LAMA2: variants seen among roughly 807,000 people sequenced by gnomAD.
LAMA2 encodes the protein laminin subunit alpha-2.
Under a neutral mutation model 364.8 loss-of-function variants are expected in LAMA2, and 269 were observed. The ratio of observed to expected loss-of-function variants is 0.74; its 90% CI spans 0.67 to 0.82. The LOEUF is 0.82. Among genes scored for constraint, LAMA2 ranks in the 40% least tolerant of loss-of-function variants. The pLI is 0.00. For synonymous variants in LAMA2, 1,379 were observed against 1,370.6 expected, an observed-to-expected ratio of 1.01 and a Z score of -0.14; for missense variants, 3,807 against 3,873.2, an observed-to-expected ratio of 0.98 and a Z score of 0.45.
At chr6:129,373,976 A>G (rs1038079977) in intron 34 of LAMA2, among the ~76,000 whole-genome samples, 6 of 152,138 alleles carry the variant, frequency 3.9e-5, no homozygotes, top group African/African-American at 1.4e-4. Context: ...CCCATTCTTC[A>G]GATTCAGTAA....
chr6:128,966,556 T>G (rs898002589), intron 1 of LAMA2, among the ~76,000 whole-genome samples: 3 of 150,798 alleles, frequency 2.0e-5, no homozygotes, highest in Non-Finnish European at 4.5e-5. Flanking sequence ...GGGTAAGGCC[T>G]CAGAGAATGT....
intron 3 of LAMA2, among the ~76,000 whole-genome samples, chr6:129,079,810 T>C (rs1037556474): frequency 2.6e-5 from 4 of 152,156 alleles, no homozygotes; most frequent in African/African-American, 7.2e-5. Flanking sequence ...TGTAAGTACA[T>C]ATACAACACA....
chr6:129,235,711 T>C (rs1180674405), intron 12 of LAMA2, among the ~76,000 whole-genome samples: 1 of 152,176 alleles, frequency 6.6e-6, no homozygotes, highest in Admixed American at 6.6e-5. Flanking sequence ...GGGAACTTAG[T>C]AGAAAAATCA....
chr6:129,489,952 C>T (rs1467421075), intron 56 of LAMA2, among the ~76,000 whole-genome samples: 1 of 149,040 alleles, frequency 6.7e-6, no homozygotes. Flanking sequence ...TAAAGCTGAC[C>T]TATTACAATA....
At chr6:129,427,400 G>T (rs1271309575) in intron 40 of LAMA2, among the ~76,000 whole-genome samples, 1 of 152,076 alleles carries the variant, frequency 6.6e-6, no homozygotes. Flanking sequence ...TTACAACACC[G>T]CCAGTTATCA....
chr6:129,059,364 G>A (rs1788726795), intron 2 of LAMA2, among the ~76,000 whole-genome samples: 1 of 152,134 alleles, frequency 6.6e-6, no homozygotes, highest in Non-Finnish European at 1.5e-5. Context: ...TCAACCACAA[G>A]TCAGGATTTT....
Position 128,922,279 on chromosome 6 carries a change from CCACA to C in LAMA2, c.112+38924_112+38927del, listed in dbSNP as rs1778789367. Among the ~76,000 whole-genome samples, 5 of 150,952 alleles carry C rather than the reference CCACA, an allele frequency of 3.3e-5. 1 individual carries two copies. The South Asian group carries it at 1.1e-3, about 32-fold the overall frequency. On this transcript the variant is annotated intron_variant, in intron 1 of 64. Transcript: ENST00000421865. ...CTAGTTCTAGATCCCTGAGGAATCG[CCACA>C]CTGACTTCCACAATGGTTGAACTAG...
In LAMA2 at chr6:129,403,898, T is replaced by C. The variant is rs1780110206; in HGVS notation, c.5804T>C (p.Ile1935Thr). ...FKAYSNIKDYIDEAEKVAKEA... is the reference protein window; with the variant it reads ...FKAYSNIKDYTDEAEKVAKEA... ...GCTTACAGCAATATTAAGGACTATA[T>C]TGATGAAGCTGAGAAAGTTGCCAAA... The change falls in exon 40 of 65, where the codon ATT becomes ACT. Residue 1935 changes from isoleucine to threonine, a missense_variant. Physicochemically the swap from Ile to Thr is moderately conservative, Grantham distance 89. Around this residue, in one of 3 missense-constraint regions of LAMA2, gnomAD observed 3,333 missense variants for 3,345.7 expected, o/e 1.00. Coordinates refer to ENST00000421865, the MANE Select transcript of LAMA2 (RefSeq NM_000426.4). 2 of 1,613,942 alleles carry C rather than the reference T, an allele frequency of 1.2e-6. No homozygotes were observed. The highest frequency in any genetic ancestry group is 1.7e-6 in the Non-Finnish European group (2 of 1,179,876).
chr6:129,479,374 G>A, intron 54 of LAMA2, among the ~76,000 whole-genome samples: 1 of 152,162 alleles, frequency 6.6e-6, no homozygotes, highest in East Asian at 1.9e-4. Flanking sequence ...TTTGTTAGCT[G>A]ATATCCTCAG....
rs73774629 is a variant in LAMA2, at chr6:129,259,169, G to A, written c.2097-1542G>A. Among the ~76,000 whole-genome samples, 1,081 of 152,168 alleles carry A rather than the reference G, an allele frequency of 7.1e-3. 16 individuals carry two copies. The highest frequency in any genetic ancestry group is 0.025 in the African/African-American group (1,046 of 41,534). On this transcript the variant is annotated intron_variant, in intron 14 of 64. Transcript: ENST00000421865. ...TTAGCAAAGTGGGGGTAAAAGCAAT[G>A]AAAATTTTAGAAATCTATTGCTGAA...
intron 1 of LAMA2, among the ~76,000 whole-genome samples, chr6:128,890,110 C>A (rs1345305079): frequency 6.6e-6 from 1 of 152,072 alleles, no homozygotes; most frequent in Non-Finnish European, 1.5e-5. Context: ...TCAACTGACC[C>A]CCGAACTGTG....
intron 40 of LAMA2, among the ~76,000 whole-genome samples, chr6:129,425,657 TC>T: frequency 6.6e-6 from 1 of 152,204 alleles, no homozygotes; most frequent in South Asian, 2.1e-4. Flanking sequence ...ATCATTTAGC[TC>T]CCACTTATAA....
chr6:129,445,854 G>A (rs1329618457), intron 45 of LAMA2, 33 bp downstream of exon 45: 2 of 1,577,550 alleles, frequency 1.3e-6, no homozygotes, highest in Non-Finnish European at 1.7e-6. Context: ...ATCAGTAACT[G>A]ATTGTAATTG....
chr6:128,942,236 T>G (rs1780204659), intron 1 of LAMA2, among the ~76,000 whole-genome samples: 1 of 152,136 alleles, frequency 6.6e-6, no homozygotes. Flanking sequence ...TTATCTTTTA[T>G]TGAGTTCTTT....
At chr6:129,106,153 C>CTT (rs535577847) in intron 4 of LAMA2, among the ~76,000 whole-genome samples, 8 of 140,978 alleles carry the variant, frequency 5.7e-5, no homozygotes, top group Non-Finnish European at 6.2e-5. Context: ...CTTGAAGACA[C>CTT]TTTTTTTTTT....
At chr6:129,361,444 C>T (rs1008315389) in intron 32 of LAMA2, among the ~76,000 whole-genome samples, 8 of 152,224 alleles carry the variant, frequency 5.3e-5, no homozygotes, top group Non-Finnish European at 7.3e-5. Flanking sequence ...AGTGCATACA[C>T]TCTCATGATT....
At chr6:129,286,591 T>A (rs1231859953) in intron 18 of LAMA2, among the ~76,000 whole-genome samples, 1 of 98,326 alleles carries the variant, frequency 1.0e-5, no homozygotes, top group African/African-American at 4.1e-5. Flanking sequence ...ATAATATATA[T>A]AATAATATAT....
chr6:128,917,994 G>A (rs2114477984), intron 1 of LAMA2, among the ~76,000 whole-genome samples: 1 of 151,686 alleles, frequency 6.6e-6, no homozygotes, highest in South Asian at 2.1e-4. Context: ...GCCTCCCATA[G>A]TGCTAGGATT....
chr6:129,421,688 C>T (rs932465369), intron 40 of LAMA2, among the ~76,000 whole-genome samples: 8 of 152,106 alleles, frequency 5.3e-5, no homozygotes, highest in African/African-American at 1.9e-4. Context: ...TGTGAAAAGC[C>T]TGTCCTTTAA....
Sources: allele counts gnomAD v4.1 joint callset (sites outside exome capture counted in the v4.1 genomes callset), GRCh38; gene constraint gnomAD v4.1.1; regional missense constraint gnomAD v4.1.1; transcripts MANE v1.5; gene names NCBI Gene and HGNC (gene_info 2026-07-23, HGNC 2026-07-21).